Variants in CLYBL observed in about 807,000 individuals in gnomAD.
The protein encoded by CLYBL is citramalyl-CoA lyase, also known as citramalyl-CoA lyase, mitochondrial.
Under a neutral mutation model 38.9 loss-of-function variants are expected in CLYBL, and 31 were observed. That is an observed-to-expected ratio of 0.80 (90% CI 0.60 to 1.08). The LOEUF (loss-of-function observed/expected upper bound fraction) is 1.08, where lower values mean the gene tolerates loss of function less well. Among genes scored for constraint, CLYBL ranks in the 50% least tolerant of loss-of-function variants. The pLI, the probability that CLYBL is intolerant of heterozygous loss-of-function variation, is 0.00. For missense variants in CLYBL, 434 were observed against 411.6 expected (o/e 1.05, Z -0.47); for synonymous variants, 171 against 158.6 (o/e 1.08, Z -0.59).
At chr13:99,830,360 G>C (rs886368103) in intron 2 of CLYBL, among the ~76,000 whole-genome samples, 1 of 152,230 alleles carries the variant, frequency 6.6e-6, no homozygotes, top group Non-Finnish European at 1.5e-5. Flanking sequence ...AACACAACGG[G>C]AAGGACAGGC....
chr13:99,871,420 C>A (rs893410981), intron 7 of CLYBL, among the ~76,000 whole-genome samples: 3 of 152,084 alleles, frequency 2.0e-5, no homozygotes, highest in Non-Finnish European at 4.4e-5. Context: ...GAAATAAACA[C>A]AGTTTGACTA....
chr13:99,606,739 C>G lies in CLYBL; in HGVS notation c.44C>G (p.Ala15Gly). The G allele has an allele frequency of 6.7e-7, 1 of 1,484,880 alleles. No individual in the cohort carries two copies. The highest frequency in any genetic ancestry group is 8.9e-7 in the Non-Finnish European group (1 of 1,123,426). The allele number at this position is 1,484,880 out of a possible 1,614,324, so 92.0% of individuals were successfully genotyped here. A position where few individuals can be genotyped will look rare whatever the true frequency, so the allele number is the denominator to read the frequency against. ...CGGAGGGCGGCGCGCGGAGCTGCGG[C>G]GGCGGCGCTGCTGAGGCTGTGAGTG... The part of the protein sequence containing the change: ...LLRRAARGAA[A>G]AALLRLKASL... Residue 15 changes from alanine to glycine, a missense_variant, in exon 1 of 9, where the codon GCG (alanine) becomes GGG (glycine). Ala to Gly is a moderately conservative substitution (Grantham distance 60). Coordinates refer to ENST00000339105, the MANE Select transcript of CLYBL (RefSeq NM_206808.5).
At chr13:99,638,880 A>G (rs1204736572) in intron 1 of CLYBL, among the ~76,000 whole-genome samples, 6 of 152,228 alleles carry the variant, frequency 3.9e-5, no homozygotes, top group Admixed American at 3.9e-4. Context: ...TCACTGGGTC[A>G]GAGAGCCAAG....
At chr13:99,613,990 G>A (rs866959079) in intron 1 of CLYBL, among the ~76,000 whole-genome samples, 1 of 152,168 alleles carries the variant, frequency 6.6e-6, no homozygotes, top group African/African-American at 2.4e-5. Flanking sequence ...AGCATGGAAT[G>A]CCTTATGTTC....
At chr13:99,863,819 C>T (rs1252136518) in intron 4 of CLYBL, among the ~76,000 whole-genome samples, 1 of 152,122 alleles carries the variant, frequency 6.6e-6, no homozygotes, top group Non-Finnish European at 1.5e-5. Flanking sequence ...AGATTCCCTT[C>T]CCCCACCCCA....
intron 8 of CLYBL, among the ~76,000 whole-genome samples, chr13:99,902,293 C>T (rs961281903): frequency 1.9e-4 from 29 of 152,076 alleles, no homozygotes; most frequent in Non-Finnish European, 1.0e-4. Flanking sequence ...GAATGTGACC[C>T]AAGATGATAA....
At chr13:99,645,523 T>G (rs1014049050) in intron 1 of CLYBL, among the ~76,000 whole-genome samples, 3 of 151,584 alleles carry the variant, frequency 2.0e-5, no homozygotes, top group Non-Finnish European at 2.9e-5. Context: ...AAAAGTCATT[T>G]TAATGGGGTG....
At chr13:99,796,948 G>A (rs554668935) in intron 2 of CLYBL, among the ~76,000 whole-genome samples, 38 of 152,164 alleles carry the variant, frequency 2.5e-4, no homozygotes, top group Non-Finnish European at 4.4e-4. Flanking sequence ...GGGTGCCATC[G>A]TATCCCCCAT....
chr13:99,879,898 G>A lies in CLYBL; in HGVS notation c.927+8836G>A, dbSNP rs574488728. Among the ~76,000 whole-genome samples the A allele has an allele frequency of 1.8e-3, 274 of 151,988 alleles. 1 individual carries two copies. Among genetic ancestry groups the A allele is most frequent in the African/African-American group, 6.4e-3 (264 of 41,442 alleles). ...AGTAACCATGTGTGCCGTGGTCATGGGGCTGGTAATAATAACCAGAGGAGA... is the reference window on the plus strand; with the variant it reads ...AGTAACCATGTGTGCCGTGGTCATGAGGCTGGTAATAATAACCAGAGGAGA... On this transcript the variant is annotated intron_variant, in intron 7 of 8. Transcript: ENST00000339105.
chr13:99,703,705 G>A (rs975820693), intron 1 of CLYBL, among the ~76,000 whole-genome samples: 1 of 152,090 alleles, frequency 6.6e-6, no homozygotes, highest in African/African-American at 2.4e-5. Flanking sequence ...CTTTACACAG[G>A]AGATGTATTC....
chr13:99,908,319 A>G (rs1190754465), exon 10 of CLYBL, among the ~76,000 whole-genome samples: 1 of 152,194 alleles, frequency 6.6e-6, no homozygotes, highest in Non-Finnish European at 1.5e-5. Context: ...GGAGGAGGGT[A>G]GCTCCCTGAC....
At chr13:99,895,727 A>G (rs369941049), downstream of CLYBL, 19 of 152,288 alleles carry the variant, frequency 1.2e-4, no homozygotes, top group East Asian at 9.7e-4. Flanking sequence ...GTCAGTAAGA[A>G]TTGCCCACGA....
chr13:99,766,862 C>G (rs1249463869), intron 1 of CLYBL, among the ~76,000 whole-genome samples: 1 of 152,146 alleles, frequency 6.6e-6, no homozygotes, highest in Non-Finnish European at 1.5e-5. Flanking sequence ...ATCTGTGGGA[C>G]AAACCTCCTA....
At chr13:99,634,513 G>C (rs1046361305) in intron 1 of CLYBL, among the ~76,000 whole-genome samples, 5 of 152,138 alleles carry the variant, frequency 3.3e-5, no homozygotes, top group African/African-American at 1.2e-4. Context: ...ATTATTTCAG[G>C]AAGGACACGC....
At chr13:99,867,884 T>G (rs2051788269) in intron 6 of CLYBL, among the ~76,000 whole-genome samples, 1 of 152,162 alleles carries the variant, frequency 6.6e-6, no homozygotes, top group Non-Finnish European at 1.5e-5. Flanking sequence ...CTGCCTCCTC[T>G]GGGGTAAATG....
intron 1 of CLYBL, among the ~76,000 whole-genome samples, chr13:99,639,565 C>A (rs1383986211): frequency 6.6e-6 from 1 of 152,138 alleles, no homozygotes; most frequent in Non-Finnish European, 1.5e-5. Flanking sequence ...TAAAACTCAT[C>A]CCTTTTGCCT....
chr13:99,862,019 C>G (rs554348613), intron 3 of CLYBL, among the ~76,000 whole-genome samples: 1 of 152,164 alleles, frequency 6.6e-6, no homozygotes, highest in Admixed American at 6.5e-5. Context: ...CTTGAAACCC[C>G]CTTTGAAGAT....
chr13:99,687,254 T>C (rs2047831665), intron 1 of CLYBL, among the ~76,000 whole-genome samples: 1 of 152,178 alleles, frequency 6.6e-6, no homozygotes, highest in African/African-American at 2.4e-5. Flanking sequence ...TATCAGGCCT[T>C]ATGAGGTATG....
At chr13:99,860,359 T>C (rs1319923183) in intron 3 of CLYBL, among the ~76,000 whole-genome samples, 1 of 152,194 alleles carries the variant, frequency 6.6e-6, no homozygotes, top group Non-Finnish European at 1.5e-5. Flanking sequence ...GCTGCTGCTA[T>C]ACAGTTTCTT....
Sources: allele counts gnomAD v4.1 joint callset (sites outside exome capture counted in the v4.1 genomes callset), GRCh38; gene constraint gnomAD v4.1.1; transcripts MANE v1.5; gene names NCBI Gene and HGNC (gene_info 2026-07-23, HGNC 2026-07-21).